The following SPOCK3 variants were observed in gnomAD, a reference collection of about 807,000 sequenced individuals.
SPOCK3 encodes the protein testican-3.
In SPOCK3, 30 loss-of-function variants were observed where a neutral mutation model predicts 56.6. The observed-to-expected ratio is 0.53, with a 90% CI of 0.40 to 0.72. SPOCK3 has a LOEUF of 0.72. SPOCK3 is among the 30% of genes least tolerant of loss of function. SPOCK3 has a pLI of 0.00. For missense variants in SPOCK3, 527 were observed against 530.0 expected (o/e 0.99, Z 0.06); for synonymous variants, 196 against 183.3 (o/e 1.07, Z -0.56).
intron 2 of SPOCK3, among the ~76,000 whole-genome samples, chr4:167,181,099 T>C (rs978265345): frequency 6.6e-6 from 1 of 152,136 alleles, no homozygotes; most frequent in Non-Finnish European, 1.5e-5. Context: ...ATACCTCTGT[T>C]CCCATTTTTT....
chr4:166,967,587 A>G (rs1422273930), intron 4 of SPOCK3, among the ~76,000 whole-genome samples: 3 of 152,120 alleles, frequency 2.0e-5, no homozygotes, highest in Admixed American at 1.3e-4. Context: ...GCCTTCCACC[A>G]TGATTGTAAG....
At chr4:166,949,162 C>T (rs1399929321) in intron 4 of SPOCK3, among the ~76,000 whole-genome samples, 4 of 152,208 alleles carry the variant, frequency 2.6e-5, no homozygotes, top group African/African-American at 7.2e-5. Flanking sequence ...GCATTCTACA[C>T]GTAGTTCTCG....
At chr4:167,208,642 A>C (rs945641885) in intron 2 of SPOCK3, among the ~76,000 whole-genome samples, 5 of 151,974 alleles carry the variant, frequency 3.3e-5, no homozygotes, top group Non-Finnish European at 2.9e-5. Flanking sequence ...AACTAAGCAC[A>C]TTTTTGATAA....
intron 9 of SPOCK3, among the ~76,000 whole-genome samples, chr4:166,741,079 A>C (rs1408518653): frequency 6.6e-6 from 1 of 152,234 alleles, no homozygotes; most frequent in African/African-American, 2.4e-5. Flanking sequence ...AAAACAGATT[A>C]ATCAGATCCA....
chr4:167,021,008 C>T (rs879150484), intron 3 of SPOCK3, among the ~76,000 whole-genome samples: 1 of 152,018 alleles, frequency 6.6e-6, no homozygotes, highest in Admixed American at 6.6e-5. Flanking sequence ...AAAGTACTGA[C>T]TTTTCCTGAG....
chr4:166,790,721 C>T (rs558585982), intron 7 of SPOCK3, among the ~76,000 whole-genome samples: 16 of 152,264 alleles, frequency 1.1e-4, no homozygotes, highest in African/African-American at 3.9e-4. Context: ...AAATGTTCTT[C>T]ATTATCTATC....
chr4:167,118,254 T>C (rs1320361138), intron 2 of SPOCK3, among the ~76,000 whole-genome samples: 1 of 152,186 alleles, frequency 6.6e-6, no homozygotes, highest in Non-Finnish European at 1.5e-5. Context: ...ATTTTATAGC[T>C]TATAGAACAT....
intron 4 of SPOCK3, among the ~76,000 whole-genome samples, chr4:166,974,569 CTCTT>C (rs1170719841): frequency 2.0e-5 from 3 of 151,826 alleles, no homozygotes; most frequent in African/African-American, 4.8e-5. Context: ...AACAGAATTC[CTCTT>C]TCTGTCTCTT....
chr4:166,838,132 T>C (rs746743991), intron 6 of SPOCK3, among the ~76,000 whole-genome samples: 1 of 152,208 alleles, frequency 6.6e-6, no homozygotes, highest in Non-Finnish European at 1.5e-5. Flanking sequence ...AAGTTTGACT[T>C]TGATTTGTCT....
chr4:167,125,565 T>A (rs946845993), intron 2 of SPOCK3, among the ~76,000 whole-genome samples: 1 of 150,060 alleles, frequency 6.7e-6, no homozygotes, highest in Non-Finnish European at 1.5e-5. Flanking sequence ...TATAAAAAAA[T>A]TCGCCGGGCG....
intron 2 of SPOCK3, among the ~76,000 whole-genome samples, chr4:167,104,173 C>G (rs970282382): frequency 3.3e-5 from 5 of 152,150 alleles, no homozygotes. Flanking sequence ...AATGCCCAGA[C>G]ACCAACAAAC....
At chr4:167,187,089 T>C (rs1457244383) in intron 2 of SPOCK3, among the ~76,000 whole-genome samples, 1 of 151,936 alleles carries the variant, frequency 6.6e-6, no homozygotes, top group East Asian at 1.9e-4. Context: ...TTTAAAAACA[T>C]ATACAGTTAA....
At chr4:167,039,033 G>C (rs947881936) in intron 3 of SPOCK3, among the ~76,000 whole-genome samples, 1 of 152,164 alleles carries the variant, frequency 6.6e-6, no homozygotes, top group Non-Finnish European at 1.5e-5. Flanking sequence ...CTAGAAGTCT[G>C]AAATCAAGGA....
chr4:166,968,294 T>C (rs2150069344), intron 4 of SPOCK3, among the ~76,000 whole-genome samples: 2 of 152,314 alleles, frequency 1.3e-5, no homozygotes, highest in South Asian at 4.1e-4. Context: ...GGCAGAAATT[T>C]GCATAATTAA....
At chr4:166,873,173 A>G (rs1732666488) in intron 6 of SPOCK3, among the ~76,000 whole-genome samples, 1 of 151,946 alleles carries the variant, frequency 6.6e-6, no homozygotes, top group South Asian at 2.1e-4. Context: ...AACCAAAGCA[A>G]TGACATTCTG....
chr4:166,923,344 T>C (rs180860409), intron 4 of SPOCK3, among the ~76,000 whole-genome samples: 1 of 152,324 alleles, frequency 6.6e-6, no homozygotes, highest in African/African-American at 2.4e-5. Context: ...CATAGTAATA[T>C]TCACTCTTAT....
intron 3 of SPOCK3, among the ~76,000 whole-genome samples, chr4:167,004,621 A>T (rs1421200463): frequency 6.6e-6 from 1 of 152,168 alleles, no homozygotes; most frequent in African/African-American, 2.4e-5. Flanking sequence ...GCTGTATGAG[A>T]GAGAAAGAAT....
chr4:166,916,978 G>A (rs1453954197), intron 4 of SPOCK3, among the ~76,000 whole-genome samples: 1 of 152,140 alleles, frequency 6.6e-6, no homozygotes, highest in Non-Finnish European at 1.5e-5. Context: ...GAGGTTGGAT[G>A]TTAAAAGAGA....
At chr4:167,126,443 G>A (rs907817487) in intron 2 of SPOCK3, among the ~76,000 whole-genome samples, 1 of 152,122 alleles carries the variant, frequency 6.6e-6, no homozygotes, top group Non-Finnish European at 1.5e-5. Context: ...TGGCTACTTG[G>A]GAGGCTGAGG....
Sources: allele counts gnomAD v4.1 joint callset (sites outside exome capture counted in the v4.1 genomes callset), GRCh38; gene constraint gnomAD v4.1.1; transcripts MANE v1.5; gene names NCBI Gene and HGNC (gene_info 2026-07-23, HGNC 2026-07-21).